Variants in UTRN observed in about 807,000 individuals in gnomAD.
UTRN encodes utrophin.
UTRN carries 283 observed loss-of-function variants against 463.9 expected under a neutral mutation model. The observed-to-expected ratio is 0.61, with a 90% CI of 0.55 to 0.67. The LOEUF is 0.67. Ranked by LOEUF, UTRN falls within the 30% of genes least tolerant of loss-of-function variation. UTRN has a pLI of 0.00. For synonymous variants in UTRN, 1,442 were observed against 1,431.5 expected (o/e 1.01, Z -0.17); for missense variants, 3,922 against 4,084.3 (o/e 0.96, Z 1.08).
chr6:144,424,249 T>G (rs1785100303), intron 6 of UTRN, among the ~76,000 whole-genome samples, 171 bp downstream of exon 6: 1 of 152,170 alleles, frequency 6.6e-6, no homozygotes, highest in Non-Finnish European at 1.5e-5. Flanking sequence ...ATCAGCAGGG[T>G]TGGTTTTTCC....
At chr6:144,323,872 C>T (rs1054984398) in intron 2 of UTRN, among the ~76,000 whole-genome samples, 2 of 152,176 alleles carry the variant, frequency 1.3e-5, no homozygotes, top group Non-Finnish European at 2.9e-5. Flanking sequence ...AAGTTTTCTC[C>T]ATCCTTAGGT....
At chr6:144,605,111 A>C (rs933633301) in intron 51 of UTRN, among the ~76,000 whole-genome samples, 2 of 152,140 alleles carry the variant, frequency 1.3e-5, no homozygotes, top group African/African-American at 2.4e-5. Flanking sequence ...TAATGAACAC[A>C]GATCTCTCTT....
Position 144,444,378 on chromosome 6 carries a change from A to C in UTRN, c.1610A>C (p.Glu537Ala). ...INILWQELLEEQCLLKAWLTE... is the reference protein window; with the variant it reads ...INILWQELLEAQCLLKAWLTE... ...ATATTGTGGCAGGAATTATTGGAAGAACAGGTATGAAACTGTTTTCCATAA... is the reference window on the plus strand; with the variant it reads ...ATATTGTGGCAGGAATTATTGGAAGCACAGGTATGAAACTGTTTTCCATAA... Residue 537 changes from glutamate (E) to alanine (A), a missense_variant, in exon 14 of 75, where the codon GAA becomes GCA. Coordinates refer to ENST00000367545, the MANE Select transcript of UTRN (RefSeq NM_007124.3). 6.2e-7 allele frequency: 1 copy of C among 1,606,122 alleles called. No homozygotes were observed. The highest frequency in any genetic ancestry group is 8.5e-7 in the Non-Finnish European group (1 of 1,175,448).
At chr6:144,721,378 T>G (rs1562815862) in intron 53 of UTRN, among the ~76,000 whole-genome samples, 1 of 152,120 alleles carries the variant, frequency 6.6e-6, no homozygotes, top group African/African-American at 2.4e-5. Context: ...CTGGCTAATT[T>G]TTGTTGTTGT....
chr6:144,607,026 A>G (rs1372427998), intron 51 of UTRN, among the ~76,000 whole-genome samples: 1 of 152,218 alleles, frequency 6.6e-6, no homozygotes, highest in Non-Finnish European at 1.5e-5. Flanking sequence ...TAAATATGTT[A>G]AAGTGAAAGA....
At chr6:144,317,457 G>A (rs988014380) in intron 2 of UTRN, among the ~76,000 whole-genome samples, 1 of 151,812 alleles carries the variant, frequency 6.6e-6, no homozygotes, top group Non-Finnish European at 1.5e-5. Context: ...AGTGCAGTGG[G>A]GCCATCTCGG....
chr6:144,294,066 T>G (rs2114514864), intron 2 of UTRN, among the ~76,000 whole-genome samples: 1 of 152,280 alleles, frequency 6.6e-6, no homozygotes, highest in South Asian at 2.1e-4. Context: ...TATTACTTTT[T>G]TTTTTGCTGA....
chr6:144,396,218 A>C (rs193211324), intron 2 of UTRN, among the ~76,000 whole-genome samples: 62 of 152,364 alleles, frequency 4.1e-4, no homozygotes, highest in African/African-American at 1.4e-3. Context: ...GTTCTGATAC[A>C]AGCTACAACA....
At chr6:144,712,482 C>T (rs1435893977) in intron 53 of UTRN, among the ~76,000 whole-genome samples, 1 of 152,166 alleles carries the variant, frequency 6.6e-6, no homozygotes, top group Non-Finnish European at 1.5e-5. Flanking sequence ...AACCCTTTTG[C>T]AAAACAATCA....
Position 144,494,968 on chromosome 6 carries a change from T to C in UTRN, c.4593+1512T>C, listed in dbSNP as rs1793461936. ...CCTGAGCTAGACACAGGGTGCTGAT[T>C]GGTGTGTTTACAAACCTTGAGCTAG... On this transcript the variant is annotated intron_variant, in intron 33 of 74. Transcript: ENST00000367545. 2.0e-5 allele frequency among the ~76,000 whole-genome samples: 3 copies of C among 152,130 alleles called. No individual in the cohort carries two copies. The South Asian group carries it at 6.2e-4, about 32-fold the overall frequency.
At chr6:144,533,286 G>A (rs781629670) in intron 43 of UTRN, 26 bp downstream of exon 43, 5 of 1,610,514 alleles carry the variant, frequency 3.1e-6, no homozygotes, top group Middle Eastern at 3.4e-4. Flanking sequence ...TTGTTTGCAG[G>A]CACAGGAGTG....
chr6:144,451,186 T>C (rs1788262925), intron 17 of UTRN, among the ~76,000 whole-genome samples, 184 bp from the exon 18 acceptor site: 1 of 152,254 alleles, frequency 6.6e-6, no homozygotes, highest in Admixed American at 6.5e-5. Flanking sequence ...ATTATTACTC[T>C]TTTCATACTT....
At chr6:144,836,217 A>G in intron 70 of UTRN, 84 bp from the exon 71 acceptor site, 1 of 1,585,672 alleles carries the variant, frequency 6.3e-7, no homozygotes, top group Non-Finnish European at 8.6e-7. Flanking sequence ...AACTAGCATG[A>G]GCTAAATTTG....
At chr6:144,421,583 G>C (rs531666585) in intron 3 of UTRN, among the ~76,000 whole-genome samples, 49 of 152,000 alleles carry the variant, frequency 3.2e-4, no homozygotes, top group African/African-American at 1.2e-3. Context: ...CAGCTACTCG[G>C]GAGGCTGAGG....
chr6:144,426,545 C>T, intron 7 of UTRN, 86 bp downstream of exon 7: 1 of 1,367,568 alleles, frequency 7.3e-7, no homozygotes, highest in Admixed American at 2.6e-5. Flanking sequence ...TCCCTGAAGC[C>T]CCTTCTCCAG....
At chr6:144,312,613 C>G (rs1047543764) in intron 2 of UTRN, among the ~76,000 whole-genome samples, 1 of 152,020 alleles carries the variant, frequency 6.6e-6, no homozygotes, top group African/African-American at 2.4e-5. Context: ...CAGAATTTCC[C>G]TTTTTCTGCT....
chr6:144,320,422 C>T (rs1176762882), intron 2 of UTRN, among the ~76,000 whole-genome samples: 5 of 152,116 alleles, frequency 3.3e-5, no homozygotes, highest in African/African-American at 1.2e-4. Flanking sequence ...TCCAGGTTAC[C>T]AGGTCTGGAT....
At chr6:144,797,726 C>T in intron 63 of UTRN, 98 bp from the exon 64 acceptor site, 2 of 1,284,564 alleles carry the variant, frequency 1.6e-6, no homozygotes, top group Non-Finnish European at 2.1e-6. Context: ...ATAGTTTCCT[C>T]TTCTGCACAA....
chr6:144,582,073 T>G lies in UTRN; in HGVS notation c.7479+4785T>G, dbSNP rs1246070351. Among the ~76,000 whole-genome samples, 6 of 152,184 alleles carry G rather than the reference T, an allele frequency of 3.9e-5. No homozygotes were observed. In the East Asian group the frequency reaches 1.2e-3, roughly 29 times the overall value. On this transcript the variant is annotated intron_variant, in intron 51 of 74. Transcript: ENST00000367545. ...CAGAAGTCCACAGAACACTGCCTGA[T>G]GAACACAGTTCTATAAGACCCAATA...
Sources: gnomAD v4.1 joint callset for allele counts (sites outside exome capture counted in the v4.1 genomes callset) on GRCh38, gnomAD v4.1.1 for gene constraint, MANE v1.5 for transcripts, NCBI Gene and HGNC (gene_info 2026-07-23, HGNC 2026-07-21) for gene names.